Variants in PRDX1 observed in about 807,000 individuals in gnomAD.
The protein encoded by PRDX1 is peroxiredoxin-1.
A neutral mutation model predicts 20.7 loss-of-function variants in PRDX1; 19 were observed. The ratio of observed to expected loss-of-function variants is 0.92; its 90% CI spans 0.64 to 1.35. The LOEUF (loss-of-function observed/expected upper bound fraction) is 1.35, where lower values mean the gene tolerates loss of function less well. PRDX1 is among the 40% of genes most tolerant of loss of function. The pLI, the probability that PRDX1 is intolerant of heterozygous loss-of-function variation, is 0.00. For synonymous variants in PRDX1, 89 were observed against 83.9 expected (o/e 1.06, Z -0.33); for missense variants, 226 against 240.0 (o/e 0.94, Z 0.38).
intron 1 of PRDX1, among the ~76,000 whole-genome samples, chr1:45,520,132 G>A (rs1325820543): frequency 1.3e-5 from 2 of 150,800 alleles, no homozygotes; most frequent in African/African-American, 4.9e-5. Flanking sequence ...TTGAACCCGG[G>A]AGGCAGAGGT....
chr1:45,515,861 A>AT, intron 2 of PRDX1, 54 bp from the exon 3 acceptor site: 1 of 1,465,348 alleles, frequency 6.8e-7, no homozygotes, highest in Non-Finnish European at 9.1e-7. Context: ...TCCTTGCTTT[A>AT]TATTTTCCTA....
Position 45,518,966 on chromosome 1 carries a change from A to C in PRDX1, c.78T>G (p.Phe26Leu). The C allele has an allele frequency of 2.5e-6, 4 of 1,605,724 alleles. No individual in the cohort carries two copies. Among genetic ancestry groups the C allele is most frequent in the Non-Finnish European group, 3.4e-6 (4 of 1,176,812 alleles). ...KATAVMPDGQ[F>L]KDISLSDYKG... ...TGTAGTCAGACAGGCTGATATCTTTAAACTGACCATCTGGCATAACAGCTG... is the reference window on the plus strand; with the variant it reads ...TGTAGTCAGACAGGCTGATATCTTTCAACTGACCATCTGGCATAACAGCTG... Residue 26 changes from phenylalanine (F) to leucine (L), a missense_variant, in exon 2 of 6, where the codon TTT becomes TTG. Phe to Leu is a conservative substitution (Grantham distance 22, BLOSUM62 0). Coordinates refer to ENST00000319248, the MANE Select transcript of PRDX1 (RefSeq NM_181697.3).
intron 5 of PRDX1, among the ~76,000 whole-genome samples, chr1:45,513,747 CGT>C (rs1643801239): frequency 6.6e-6 from 1 of 152,172 alleles, no homozygotes; most frequent in African/African-American, 2.4e-5. Context: ...GCAGCATGCT[CGT>C]TTTAAGAGTC....
chr1:45,511,291 G>T lies in PRDX1; in HGVS notation c.*38C>A. 6.7e-7 allele frequency: 1 copy of T among 1,497,280 alleles called. No homozygotes were observed. Among genetic ancestry groups the T allele is most frequent in the Non-Finnish European group, 9.1e-7 (1 of 1,098,454 alleles). The allele number at this position is 1,497,280 out of a possible 1,614,324, so 92.7% of individuals were successfully genotyped here. ...ATACAGAAGAGGTTTTGTTCTCATG[G>T]CTGCCCACCGCAGCCTGGCACTAAA... On this transcript the variant is annotated 3_prime_UTR_variant, in exon 6 of 6. Transcript: ENST00000319248.
At chr1:45,520,205 CAAA>C (rs59260423) in intron 1 of PRDX1, among the ~76,000 whole-genome samples, 3 of 91,022 alleles carry the variant, frequency 3.3e-5, no homozygotes, top group African/African-American at 1.4e-4. Flanking sequence ...ACTCTGTCTC[CAAA>C]AAAAAAAAAA....
intron 1 of PRDX1, among the ~76,000 whole-genome samples, chr1:45,519,592 TTTTTG>T (rs1045386591): frequency 6.6e-6 from 1 of 152,166 alleles, no homozygotes; most frequent in Non-Finnish European, 1.5e-5. Context: ...GTTTTATTTG[TTTTTG>T]TTTTGTTTTG....
At chr1:45,521,027 T>G (rs1182655913) in intron 1 of PRDX1, among the ~76,000 whole-genome samples, 1 of 152,254 alleles carries the variant, frequency 6.6e-6, no homozygotes, top group Non-Finnish European at 1.5e-5. Flanking sequence ...AACTTTTAAC[T>G]GTTTTTTAAA....
intron 5 of PRDX1, 64 bp from the exon 6 acceptor site, chr1:45,511,478 G>T: frequency 7.3e-7 from 1 of 1,378,874 alleles, no homozygotes; most frequent in Non-Finnish European, 1.0e-6. Flanking sequence ...ATTCTCCTAT[G>T]GACAAAACCA....
rs375330012 is a variant in PRDX1, at chr1:45,520,382, G to A, written c.-11-1328C>T. ...CAAGTATAAGAATCAATTTACTGCT[G>A]AAAAGGAAGGTTGCACTGGATTCAC... On this transcript the variant is annotated intron_variant, in intron 1 of 5. Transcript: ENST00000319248. Among the ~76,000 whole-genome samples the A allele has an allele frequency of 3.5e-4, 53 of 152,028 alleles. 1 individual carries two copies. Among genetic ancestry groups the A allele is most frequent in the East Asian group, 2.3e-3 (12 of 5,174 alleles).
chr1:45,518,862 T>C, intron 2 of PRDX1, 76 bp downstream of exon 2: 1 of 1,286,306 alleles, frequency 7.8e-7, no homozygotes, highest in Non-Finnish European at 1.1e-6. Flanking sequence ...TCAAACAACA[T>C]TGACACAAAT....
upstream of PRDX1, among the ~76,000 whole-genome samples, chr1:45,522,284 C>G (rs879423453): frequency 6.6e-6 from 1 of 152,228 alleles, no homozygotes; most frequent in Non-Finnish European, 1.5e-5. Flanking sequence ...TGAGAACTGT[C>G]TATCCAAATA....
At chr1:45,514,662 G>A (rs1243752025) in intron 4 of PRDX1, 25 bp from the exon 5 acceptor site, 2 of 1,612,468 alleles carry the variant, frequency 1.2e-6, no homozygotes, top group Non-Finnish European at 1.7e-6. Flanking sequence ...GAAAGGAAAA[G>A]CAATACAGGT....
chr1:45,521,129 C>T (rs570714021), intron 1 of PRDX1, among the ~76,000 whole-genome samples: 1 of 152,288 alleles, frequency 6.6e-6, no homozygotes, highest in South Asian at 2.1e-4. Context: ...TCGTCCAATC[C>T]TTCTTTCCCA....
chr1:45,521,905 T>C (rs573150008), upstream of PRDX1: 1 of 152,308 alleles, frequency 6.6e-6, no homozygotes, highest in Admixed American at 6.5e-5. Context: ...TCCGGGGCGC[T>C]GCCTTTATAG....
intron 2 of PRDX1, among the ~76,000 whole-genome samples, chr1:45,517,074 T>C (rs899735841): frequency 2.0e-5 from 3 of 150,848 alleles, no homozygotes; most frequent in African/African-American, 7.3e-5. Context: ...TTTACCACTT[T>C]GCAGTATCAC....
intron 5 of PRDX1, among the ~76,000 whole-genome samples, chr1:45,513,608 C>A (rs1643798591): frequency 6.6e-6 from 1 of 152,182 alleles, no homozygotes; most frequent in African/African-American, 2.4e-5. Flanking sequence ...AATTCTTCTG[C>A]CTTGAGATGC....
At chr1:45,522,621 C>T (rs1643924220), upstream of PRDX1, among the ~76,000 whole-genome samples, 1 of 152,178 alleles carries the variant, frequency 6.6e-6, no homozygotes, top group Non-Finnish European at 1.5e-5. Flanking sequence ...TACACAAAAT[C>T]ATAATTAATT....
rs36121621 is a variant in PRDX1, at chr1:45,517,965, T to C, written c.106+973A>G. On this transcript the variant is annotated intron_variant, in intron 2 of 5. Transcript: ENST00000319248. ...CGAGCAGTGTCACAGCTCCAGAGATTTGAGTGAGCTCTGAGACTTTAAATG... is the reference window on the plus strand; with the variant it reads ...CGAGCAGTGTCACAGCTCCAGAGATCTGAGTGAGCTCTGAGACTTTAAATG... 1.4e-3 allele frequency among the ~76,000 whole-genome samples: 218 copies of C among 152,272 alleles called. 1 individual carries two copies. The Middle Eastern group carries it at 0.034, about 24-fold the overall frequency.
intron 2 of PRDX1, among the ~76,000 whole-genome samples, 167 bp downstream of exon 2, chr1:45,518,771 C>G (rs1415081397): frequency 6.6e-6 from 1 of 152,212 alleles, no homozygotes; most frequent in Non-Finnish European, 1.5e-5. Flanking sequence ...GATATATACC[C>G]TGTAATCACT....
Sources: gnomAD v4.1 joint callset for allele counts (sites outside exome capture counted in the v4.1 genomes callset) on GRCh38, gnomAD v4.1.1 for gene constraint, MANE v1.5 for transcripts, NCBI Gene and HGNC (gene_info 2026-07-23, HGNC 2026-07-21) for gene names.